PHLPP1: variants seen among roughly 807,000 people sequenced by gnomAD.
PHLPP1 encodes PH domain leucine-rich repeat-containing protein phosphatase 1.
Under a neutral mutation model 117.2 loss-of-function variants are expected in PHLPP1, and 42 were observed. That is an observed-to-expected ratio of 0.36 (90% CI 0.28 to 0.46). The LOEUF is 0.46. Among genes scored for constraint, PHLPP1 ranks in the 20% least tolerant of loss-of-function variants. The pLI is 1.00. For missense variants in PHLPP1, 2,084 were observed against 2,241.9 expected (o/e 0.93, Z 1.42); for synonymous variants, 1,042 against 970.7 (o/e 1.07, Z -1.37).
At chr18:62,822,275 T>TTTTG (rs1568128035) in intron 1 of PHLPP1, among the ~76,000 whole-genome samples, 11 of 137,290 alleles carry the variant, frequency 8.0e-5, no homozygotes, top group African/African-American at 2.3e-4. Flanking sequence ...GTTTTTTTTT[T>TTTTG]TTTTGTTTTT....
chr18:62,798,790 C>A (rs981242389), intron 1 of PHLPP1, among the ~76,000 whole-genome samples: 2 of 151,936 alleles, frequency 1.3e-5, no homozygotes, highest in Admixed American at 6.6e-5. Context: ...ATCAAGGCAA[C>A]CCCTGTAAGA....
intron 1 of PHLPP1, among the ~76,000 whole-genome samples, chr18:62,773,498 G>T (rs575556098): frequency 6.6e-6 from 1 of 152,280 alleles, no homozygotes; most frequent in Admixed American, 6.5e-5. Context: ...AAGTTTCCTT[G>T]TTGTTCGTTT....
intron 10 of PHLPP1, among the ~76,000 whole-genome samples, chr18:62,935,205 G>A (rs1456981314): frequency 1.3e-5 from 2 of 152,150 alleles, no homozygotes; most frequent in Non-Finnish European, 2.9e-5. Flanking sequence ...AAGTTAATAT[G>A]CAGAAATCAA....
chr18:62,763,911 C>T (rs1912352532), intron 1 of PHLPP1, among the ~76,000 whole-genome samples: 1 of 151,990 alleles, frequency 6.6e-6, no homozygotes, highest in Non-Finnish European at 1.5e-5. Flanking sequence ...ACCTGTAATC[C>T]CAGCACTTTG....
Position 62,979,340 on chromosome 18 carries a change from A to AGCAGCC in PHLPP1, c.5066_5071dup (p.Gln1689_Pro1690dup). On this transcript the variant is annotated inframe_insertion, in exon 17 of 17. Coordinates refer to ENST00000262719, the MANE Select transcript of PHLPP1 (RefSeq NM_194449.4). Reference sequence around the variant, plus strand: ...CATCACCAGGAGCAACAGCAGCAGCAGCAGCCGCCACCACCCCCTCAGCTC... The same window carrying AGCAGCC: ...CATCACCAGGAGCAACAGCAGCAGCAGCAGCCGCAGCCGCCACCACCCCCTCAGCTC... 1.3e-6 allele frequency: 2 copies of AGCAGCC among 1,550,254 alleles called. No individual in the cohort carries two copies. The highest frequency in any genetic ancestry group is 2.4e-5 in the East Asian group (1 of 40,960).
chr18:62,808,434 ATATATTGATAAAATTTATCACGCTAAT>A (rs1914014280), intron 1 of PHLPP1, among the ~76,000 whole-genome samples: 1 of 152,238 alleles, frequency 6.6e-6, no homozygotes, highest in South Asian at 2.1e-4. Context: ...ACATGATTAC[ATATATTGATAAAATTTATCACGCTAAT>A]TATATGCACA....
At chr18:62,876,589 T>A (rs1599097476) in intron 4 of PHLPP1, among the ~76,000 whole-genome samples, 1 of 152,154 alleles carries the variant, frequency 6.6e-6, no homozygotes, top group African/African-American at 2.4e-5. Context: ...CCAAGGATAA[T>A]CAAAATAATG....
intron 4 of PHLPP1, chr18:62,889,690 G>A (rs950005138): frequency 1.3e-5 from 2 of 152,288 alleles, no homozygotes; most frequent in African/African-American, 4.8e-5. Flanking sequence ...ACCCACACAA[G>A]CTCTGGAGGC....
In PHLPP1 at chr18:62,939,533, A is replaced by T. The variant is rs986230904; in HGVS notation, c.2961-2185A>T. ...AAACTTGTTTCCTTCCTACTTCAAA[A>T]CCATTTCAGAAACTGCAGGAGTGAC... On this transcript the variant is annotated intron_variant, in intron 10 of 16. Coordinates refer to ENST00000262719, the MANE Select transcript of PHLPP1 (RefSeq NM_194449.4). Among the ~76,000 whole-genome samples the T allele has an allele frequency of 2.6e-5, 4 of 152,072 alleles. No individual in the cohort carries two copies. In the East Asian group the frequency reaches 7.7e-4, roughly 29 times the overall value.
chr18:62,920,399 G>A (rs1909425835), intron 10 of PHLPP1, among the ~76,000 whole-genome samples: 1 of 152,152 alleles, frequency 6.6e-6, no homozygotes, highest in Admixed American at 6.5e-5. Context: ...GATGAGAAGT[G>A]TGCTGCTCTG....
chr18:62,739,975 T>C (rs1372942994), intron 1 of PHLPP1, among the ~76,000 whole-genome samples: 1 of 152,196 alleles, frequency 6.6e-6, no homozygotes, highest in African/African-American at 2.4e-5. Context: ...GATCCTTCCT[T>C]GGGCCATCCT....
intron 1 of PHLPP1, among the ~76,000 whole-genome samples, chr18:62,759,623 A>G (rs1791875583): frequency 6.6e-6 from 1 of 152,206 alleles, no homozygotes; most frequent in Non-Finnish European, 1.5e-5. Flanking sequence ...TCCCTTGGCT[A>G]TGCTTTGATG....
chr18:62,735,600 CAACAAA>C lies in PHLPP1; in HGVS notation c.1576+18343_1576+18348del, dbSNP rs750260227. Among the ~76,000 whole-genome samples the C allele has an allele frequency of 1.1e-4, 15 of 141,440 alleles. No individual in the cohort carries two copies. The South Asian group carries it at 2.3e-3, about 22-fold the overall frequency. The allele number at this position is 141,440 out of a possible 152,430, so 92.8% of individuals were successfully genotyped here. A position where few individuals can be genotyped will look rare whatever the true frequency, so the allele number is the denominator to read the frequency against. On this transcript the variant is annotated intron_variant, in intron 1 of 16. Transcript: ENST00000262719. ...ACAACAACAACAACAACAACAACAA[CAACAAA>C]ACCAGTTGACCACCCTCTTGGTTTT...
chr18:62,816,397 C>G lies in PHLPP1; in HGVS notation c.1577-13638C>G, dbSNP rs937634647. Among the ~76,000 whole-genome samples the G allele has an allele frequency of 3.3e-5, 5 of 152,182 alleles. No individual in the cohort carries two copies. The South Asian group carries it at 1.0e-3, about 32-fold the overall frequency. On this transcript the variant is annotated intron_variant, in intron 1 of 16. Transcript: ENST00000262719. ...CAAGTAACACTGTGAAACCCTGTCT[C>G]TACTAAAAATACAAAAAAATTTAGC...
At position 62,803,765 on chromosome 18, in the gene PHLPP1, T is replaced by A. The variant is rs1913853422; in HGVS notation, c.1577-26270T>A. On this transcript the variant is annotated intron_variant, in intron 1 of 16. Coordinates refer to ENST00000262719, the MANE Select transcript of PHLPP1 (RefSeq NM_194449.4). The stretch of plus-strand genomic sequence containing the variant: ...TTTATGTTTTAACTTTAGTAGATTC[T>A]GCAAACAATTGTAAAGAGATTATAC... 2.6e-5 allele frequency among the ~76,000 whole-genome samples: 4 copies of A among 152,234 alleles called. No homozygotes were observed. The South Asian group carries it at 8.3e-4, about 32-fold the overall frequency.
chr18:62,787,730 T>G (rs1160516306), intron 1 of PHLPP1, among the ~76,000 whole-genome samples: 1 of 152,216 alleles, frequency 6.6e-6, no homozygotes, highest in Non-Finnish European at 1.5e-5. Context: ...CATATTTCAC[T>G]GGTCTACGTA....
chr18:62,806,804 T>C (rs1239830237), intron 1 of PHLPP1, among the ~76,000 whole-genome samples: 2 of 152,154 alleles, frequency 1.3e-5, no homozygotes, highest in Non-Finnish European at 2.9e-5. Context: ...TCTTCAACTC[T>C]AAAGCTTTTA....
intron 1 of PHLPP1, among the ~76,000 whole-genome samples, chr18:62,788,762 T>C (rs940896760): frequency 2.0e-5 from 3 of 152,202 alleles, no homozygotes; most frequent in Non-Finnish European, 1.5e-5. Context: ...ACAGAGTATT[T>C]TGAATTCCAG....
At chr18:62,800,084 C>T (rs1913734702) in intron 1 of PHLPP1, among the ~76,000 whole-genome samples, 1 of 152,110 alleles carries the variant, frequency 6.6e-6, no homozygotes, top group African/African-American at 2.4e-5. Flanking sequence ...GAGCTGACTG[C>T]ACCTTGAGAG....
Sources: allele counts gnomAD v4.1 joint callset (sites outside exome capture counted in the v4.1 genomes callset), GRCh38; gene constraint gnomAD v4.1.1; transcripts MANE v1.5; gene names NCBI Gene and HGNC (gene_info 2026-07-23, HGNC 2026-07-21).